The following NELL2 variants were observed in gnomAD, a reference collection of about 807,000 sequenced individuals.
NELL2 encodes the protein protein kinase C-binding protein NELL2.
A neutral mutation model predicts 109.6 loss-of-function variants in NELL2; 41 were observed. That is an observed-to-expected ratio of 0.37 (90% CI 0.29 to 0.49). NELL2 has a LOEUF of 0.49. Among genes scored for constraint, NELL2 ranks in the 20% least tolerant of loss-of-function variants. The pLI is 0.98. For synonymous variants in NELL2, 355 were observed against 344.7 expected, an observed-to-expected ratio of 1.03 and a Z score of -0.33; for missense variants, 900 against 1,008.3, an observed-to-expected ratio of 0.89 and a Z score of 1.45.
intron 2 of NELL2, among the ~76,000 whole-genome samples, chr12:44,830,610 CA>C (rs1323491534): frequency 1.3e-5 from 2 of 152,166 alleles, no homozygotes; most frequent in Admixed American, 6.5e-5. Flanking sequence ...CTTGTTTCCA[CA>C]GGCCCCAAAT....
In NELL2 at chr12:44,845,100, A is replaced by G. The variant is rs142383383; in HGVS notation, c.185-28964T>C. On this transcript the variant is annotated intron_variant, in intron 2 of 19. Transcript: ENST00000429094. ...GGTAAGCTTTCCTTCTTTATAAACT[A>G]GAAAAATTCAAAGTATTTGAGCACT... Among the ~76,000 whole-genome samples, 406 of 152,252 alleles carry G rather than the reference A, an allele frequency of 2.7e-3. 4 individuals carry two copies. The highest frequency in any genetic ancestry group is 8.1e-3 in the East Asian group (42 of 5,178).
At chr12:44,556,819 AGG>A (rs1943274993) in intron 15 of NELL2, among the ~76,000 whole-genome samples, 1 of 152,224 alleles carries the variant, frequency 6.6e-6, no homozygotes, top group African/African-American at 2.4e-5. Context: ...TTCCAAACAA[AGG>A]GAAGAGCCTG....
intron 3 of NELL2, among the ~76,000 whole-genome samples, chr12:44,809,385 G>A (rs1402480037): frequency 1.3e-5 from 2 of 151,514 alleles, no homozygotes; most frequent in Non-Finnish European, 2.9e-5. Flanking sequence ...TTTACCTTTC[G>A]AAACACAATA....
intron 2 of NELL2, among the ~76,000 whole-genome samples, chr12:44,868,616 T>C (rs1396537640): frequency 6.6e-6 from 1 of 152,216 alleles, no homozygotes; most frequent in African/African-American, 2.4e-5. Context: ...AGACATTATG[T>C]AAAGTGAAAT....
intron 13 of NELL2, among the ~76,000 whole-genome samples, chr12:44,629,501 T>C (rs896360867): frequency 2.0e-5 from 3 of 152,266 alleles, no homozygotes; most frequent in African/African-American, 7.2e-5. Flanking sequence ...ATGTCACAGG[T>C]AAGCTTGCTT....
chr12:44,681,086 T>C (rs944237060), intron 12 of NELL2, among the ~76,000 whole-genome samples: 2 of 151,314 alleles, frequency 1.3e-5, no homozygotes, highest in Non-Finnish European at 1.5e-5. Context: ...ACTTTTCTTT[T>C]AGATGAGATA....
At chr12:44,705,167 T>G (rs1047074654) in intron 11 of NELL2, among the ~76,000 whole-genome samples, 6 of 152,260 alleles carry the variant, frequency 3.9e-5, no homozygotes, top group Admixed American at 3.3e-4. Flanking sequence ...CAAATTGGTG[T>G]TCATTCGATT....
chr12:44,752,115 G>A (rs1317216096), intron 9 of NELL2, among the ~76,000 whole-genome samples: 1 of 152,220 alleles, frequency 6.6e-6, no homozygotes, highest in Non-Finnish European at 1.5e-5. Context: ...TTGCAAAAAT[G>A]TTATGCTGCC....
rs773816111 is a variant in NELL2 at position 44,815,956 on chromosome 12, A to T, written c.335+30T>A. 4 of 1,593,524 alleles carry T rather than the reference A, an allele frequency of 2.5e-6. No individual in the cohort carries two copies. The Admixed American group carries it at 7.4e-5, about 29-fold the overall frequency. ...TATTCATTTAACCACATATAATGAA[A>T]ACACAGGAAACTCCAGCAACCACAT... On this transcript the variant is annotated intron_variant, in intron 3 of 19. Transcript: ENST00000429094.
intron 1 of NELL2, among the ~76,000 whole-genome samples, chr12:44,902,955 A>T (rs1245067081): frequency 6.6e-6 from 1 of 152,244 alleles, no homozygotes; most frequent in South Asian, 2.1e-4. Flanking sequence ...AAACCCTAGA[A>T]GAAAACCTAG....
intron 9 of NELL2, among the ~76,000 whole-genome samples, chr12:44,724,098 G>A (rs1374722320): frequency 6.6e-6 from 1 of 151,636 alleles, no homozygotes; most frequent in Non-Finnish European, 1.5e-5. Context: ...TGCAAAACTT[G>A]GACACAGCTA....
chr12:44,666,635 A>G (rs1330504932), intron 12 of NELL2, among the ~76,000 whole-genome samples: 2 of 152,206 alleles, frequency 1.3e-5, no homozygotes, highest in East Asian at 3.8e-4. Context: ...TCAGGAATCT[A>G]TATTTTAGAA....
chr12:44,619,679 A>G (rs963028246), intron 13 of NELL2, among the ~76,000 whole-genome samples: 26 of 151,996 alleles, frequency 1.7e-4, no homozygotes, highest in African/African-American at 5.8e-4. Flanking sequence ...GATGTTGACA[A>G]CAAAGAAAAA....
At chr12:44,788,257 T>C (rs1942253827) in intron 3 of NELL2, among the ~76,000 whole-genome samples, 1 of 152,050 alleles carries the variant, frequency 6.6e-6, no homozygotes, top group Admixed American at 6.6e-5. Context: ...AAACCAGGAA[T>C]TCTGAAAGGA....
intron 3 of NELL2, among the ~76,000 whole-genome samples, chr12:44,795,907 A>T (rs1278900053): frequency 6.6e-6 from 1 of 152,128 alleles, no homozygotes; most frequent in Non-Finnish European, 1.5e-5. Context: ...TATTAGAAAT[A>T]TCTTTTCTGA....
At chr12:44,544,521 A>C (rs1467456818) in intron 15 of NELL2, among the ~76,000 whole-genome samples, 1 of 152,114 alleles carries the variant, frequency 6.6e-6, no homozygotes, top group Non-Finnish European at 1.5e-5. Flanking sequence ...TTTTGAGTTT[A>C]GATGAGGAAC....
intron 1 of NELL2, chr12:44,875,562 C>T (rs755464298): frequency 6.2e-7 from 1 of 1,613,952 alleles, no homozygotes; most frequent in Non-Finnish European, 8.5e-7. Context: ...TTTCCATGAC[C>T]TCCTTTAAAC....
intron 11 of NELL2, among the ~76,000 whole-genome samples, chr12:44,706,838 T>C (rs974620847): frequency 6.6e-6 from 1 of 152,200 alleles, no homozygotes; most frequent in Non-Finnish European, 1.5e-5. Flanking sequence ...AAGGATATTA[T>C]GTTCTCTAAT....
chr12:44,727,562 G>C (rs1431661044), intron 9 of NELL2, among the ~76,000 whole-genome samples: 1 of 152,032 alleles, frequency 6.6e-6, no homozygotes, highest in African/African-American at 2.4e-5. Context: ...AGCAGAAAGA[G>C]AGAGGAAGAG....
Sources: allele counts gnomAD v4.1 joint callset (sites outside exome capture counted in the v4.1 genomes callset), GRCh38; gene constraint gnomAD v4.1.1; transcripts MANE v1.5; gene names NCBI Gene and HGNC (gene_info 2026-07-23, HGNC 2026-07-21).